Variants in NRXN3 observed in about 807,000 individuals in gnomAD.
The protein encoded by NRXN3 is neurexin 3, also known as neurexin III.
A neutral mutation model predicts 137.6 loss-of-function variants in NRXN3; 32 were observed. The ratio of observed to expected loss-of-function variants is 0.23; its 90% CI spans 0.18 to 0.31. The LOEUF (loss-of-function observed/expected upper bound fraction) is 0.31, where lower values mean the gene tolerates loss of function less well. Ranked by LOEUF, NRXN3 falls within the 10% of genes least tolerant of loss-of-function variation. NRXN3 has a pLI of 1.00. For synonymous variants in NRXN3, 798 were observed against 784.5 expected (o/e 1.02, Z -0.29); for missense variants, 1,574 against 2,062.5 (o/e 0.76, Z 4.59).
At chr14:79,228,392 G>A (rs1230333218) in intron 15 of NRXN3, among the ~76,000 whole-genome samples, 1 of 152,114 alleles carries the variant, frequency 6.6e-6, no homozygotes, top group Admixed American at 6.6e-5. Context: ...GAGGAACTCT[G>A]TTAAATTTTT....
At chr14:79,406,761 T>C (rs150800088) in intron 15 of NRXN3, among the ~76,000 whole-genome samples, 261 of 152,286 alleles carry the variant, frequency 1.7e-3, no homozygotes, top group Non-Finnish European at 2.6e-3. Context: ...GATGAGGTAA[T>C]GCAAGGTTTT....
At chr14:78,431,898 G>A (rs2093893834) in intron 4 of NRXN3, among the ~76,000 whole-genome samples, 1 of 152,114 alleles carries the variant, frequency 6.6e-6, no homozygotes, top group South Asian at 2.1e-4. Flanking sequence ...CTTTGCAGAT[G>A]AGGAATCTAA....
intron 16 of NRXN3, among the ~76,000 whole-genome samples, chr14:79,624,890 A>G (rs1391763948): frequency 1.3e-5 from 2 of 150,910 alleles, no homozygotes; most frequent in Non-Finnish European, 2.9e-5. Context: ...TGCAGCCTCA[A>G]CTTCCCAGGC....
chr14:79,622,508 G>A (rs1051046124), intron 16 of NRXN3, among the ~76,000 whole-genome samples: 1 of 152,164 alleles, frequency 6.6e-6, no homozygotes, highest in Non-Finnish European at 1.5e-5. Context: ...AATGAGTGAA[G>A]ATACATAAAG....
At chr14:78,874,477 T>C (rs1479673306) in intron 10 of NRXN3, among the ~76,000 whole-genome samples, 3 of 152,124 alleles carry the variant, frequency 2.0e-5, no homozygotes, top group African/African-American at 7.2e-5. Flanking sequence ...CATCATGATG[T>C]CTCAGGGACC....
At chr14:79,314,723 C>T (rs532763520) in intron 15 of NRXN3, among the ~76,000 whole-genome samples, 59 of 145,820 alleles carry the variant, frequency 4.0e-4, no homozygotes, top group South Asian at 3.3e-3. Context: ...GATCTGAGGA[C>T]GGGCAGACTG....
chr14:79,597,933 A>G (rs2097877524), intron 16 of NRXN3, among the ~76,000 whole-genome samples: 1 of 152,184 alleles, frequency 6.6e-6, no homozygotes, highest in Admixed American at 6.5e-5. Context: ...GCTAAAATGT[A>G]CTCTAACGTG....
chr14:79,789,379 C>T (rs369619633), intron 19 of NRXN3, among the ~76,000 whole-genome samples: 6 of 151,940 alleles, frequency 3.9e-5, no homozygotes, highest in African/African-American at 7.3e-5. Context: ...AAAGAGGTCC[C>T]GACTTAGACC....
chr14:78,212,848 G>A (rs2062877322), intron 1 of NRXN3, among the ~76,000 whole-genome samples: 1 of 151,590 alleles, frequency 6.6e-6, no homozygotes. Flanking sequence ...CTTTTTTTTG[G>A]TCAAATGAAA....
At chr14:79,764,680 T>C (rs1280035599) in intron 19 of NRXN3, among the ~76,000 whole-genome samples, 1 of 152,194 alleles carries the variant, frequency 6.6e-6, no homozygotes, top group African/African-American at 2.4e-5. Context: ...CATTTCCTTA[T>C]ACACTTCCAT....
chr14:79,560,459 C>G (rs2097481066), intron 16 of NRXN3, among the ~76,000 whole-genome samples: 2 of 147,122 alleles, frequency 1.4e-5, no homozygotes, highest in South Asian at 4.3e-4. Flanking sequence ...ATTTTGACAC[C>G]TGGACAGTAG....
intron 15 of NRXN3, among the ~76,000 whole-genome samples, chr14:79,065,487 T>C (rs1446229794): frequency 1.4e-4 from 22 of 152,278 alleles, no homozygotes; most frequent in Admixed American, 1.4e-3. Flanking sequence ...GAATTTTCAC[T>C]GAGAGGCAGG....
intron 1 of NRXN3, among the ~76,000 whole-genome samples, chr14:78,183,173 C>G (rs899306376): frequency 5.9e-5 from 9 of 152,174 alleles, no homozygotes; most frequent in Non-Finnish European, 1.2e-4. Flanking sequence ...TTTCTTCCTT[C>G]TGGCAAGAAC....
At chr14:79,362,823 A>G (rs555632112) in intron 15 of NRXN3, among the ~76,000 whole-genome samples, 1 of 152,344 alleles carries the variant, frequency 6.6e-6, no homozygotes, top group South Asian at 2.1e-4. Flanking sequence ...TACTCTGACC[A>G]GATTACTGGG....
rs115240024 is a variant in NRXN3, at chr14:79,414,273, A to G, written c.3263-52948A>G. On this transcript the variant is annotated intron_variant, in intron 15 of 20. Transcript: ENST00000335750. ...CAGGTCAGCATCCTATAACTTGATG[A>G]CTCAATCATCCTAACATTATGCCAT... Among the ~76,000 whole-genome samples the G allele has an allele frequency of 6.5e-3, 989 of 152,096 alleles. 5 individuals are homozygous for G. Among genetic ancestry groups the G allele is most frequent in the African/African-American group, 0.023 (955 of 41,486 alleles).
At chr14:78,389,750 C>T (rs2090507117) in intron 4 of NRXN3, among the ~76,000 whole-genome samples, 1 of 151,960 alleles carries the variant, frequency 6.6e-6, no homozygotes, top group South Asian at 2.1e-4. Flanking sequence ...ATTTTTTTCT[C>T]TAGTTAAAAC....
At chr14:79,559,361 A>G (rs2153773075) in intron 16 of NRXN3, among the ~76,000 whole-genome samples, 1 of 152,204 alleles carries the variant, frequency 6.6e-6, no homozygotes, top group Non-Finnish European at 1.5e-5. Flanking sequence ...CTTACAGGCC[A>G]TTGTAGGGTC....
intron 4 of NRXN3, among the ~76,000 whole-genome samples, chr14:78,606,799 A>G (rs145693386): frequency 4.6e-5 from 7 of 152,342 alleles, no homozygotes; most frequent in Non-Finnish European, 8.8e-5. Flanking sequence ...TCTCTGTTGC[A>G]AAGCCAAAAC....
chr14:78,884,080 T>C (rs2099136522), intron 10 of NRXN3, among the ~76,000 whole-genome samples: 1 of 152,180 alleles, frequency 6.6e-6, no homozygotes, highest in South Asian at 2.1e-4. Context: ...TTTAGTTTTC[T>C]TCAGTTCATT....
Sources: gnomAD v4.1 joint callset for allele counts (sites outside exome capture counted in the v4.1 genomes callset) on GRCh38, gnomAD v4.1.1 for gene constraint, MANE v1.5 for transcripts, NCBI Gene and HGNC (gene_info 2026-07-23, HGNC 2026-07-21) for gene names.